KCNJ6: variants seen among roughly 807,000 people sequenced by gnomAD.
KCNJ6 encodes G protein-activated inward rectifier potassium channel 2.
Under a neutral mutation model 34.2 loss-of-function variants are expected in KCNJ6, and 9 were observed. The ratio of observed to expected loss-of-function variants is 0.26; its 90% CI spans 0.16 to 0.46. KCNJ6 has a LOEUF of 0.46. Ranked by LOEUF, KCNJ6 falls within the 20% of genes least tolerant of loss-of-function variation. The probability of loss-of-function intolerance (pLI) is 1.00; values close to 1 mark genes in which losing one functional copy is unlikely to be tolerated. For missense variants in KCNJ6, 236 were observed against 531.3 expected (o/e 0.44, Z 5.46); for synonymous variants, 196 against 207.1 (o/e 0.95, Z 0.46).
chr21:37,726,604 G>T (rs999836268), intron 2 of KCNJ6, among the ~76,000 whole-genome samples: 1 of 152,178 alleles, frequency 6.6e-6, no homozygotes, highest in Non-Finnish European at 1.5e-5. Context: ...GTGAATGTGT[G>T]TGTATGTGTG....
intron 2 of KCNJ6, among the ~76,000 whole-genome samples, chr21:37,809,464 A>G (rs1459310871): frequency 6.6e-6 from 1 of 152,116 alleles, no homozygotes; most frequent in East Asian, 1.9e-4. Flanking sequence ...AACATGGCAC[A>G]TGTATACACA....
chr21:37,697,147 C>G (rs146108838), intron 3 of KCNJ6, among the ~76,000 whole-genome samples: 1 of 152,052 alleles, frequency 6.6e-6, no homozygotes, highest in Non-Finnish European at 1.5e-5. Context: ...GACCATAAGA[C>G]GATTGTTTGA....
At chr21:37,756,545 T>C (rs2835939) in intron 2 of KCNJ6, among the ~76,000 whole-genome samples, 16,797 of 149,822 alleles carry the variant, frequency 0.11, 1,506 homozygotes, top group African/African-American at 0.24. Context: ...GCATTCCTGC[T>C]TTGCAACTGT....
chr21:37,754,586 G>A (rs1310479952), intron 2 of KCNJ6, among the ~76,000 whole-genome samples: 1 of 152,212 alleles, frequency 6.6e-6, no homozygotes, highest in Non-Finnish European at 1.5e-5. Context: ...CGGGACAATG[G>A]ACTGAATGCC....
intron 1 of KCNJ6, among the ~76,000 whole-genome samples, chr21:37,914,008 G>GGCGTGTGTGTGTGT (rs760597650): frequency 3.2e-4 from 43 of 135,480 alleles, no homozygotes; most frequent in Non-Finnish European, 2.2e-4. Context: ...GGCGGATCGG[G>GGCGTGTGTGTGTGT]GTGTGTGTGT....
chr21:37,881,382 G>A (rs1395776232), intron 1 of KCNJ6, among the ~76,000 whole-genome samples: 1 of 152,162 alleles, frequency 6.6e-6, no homozygotes, highest in East Asian at 1.9e-4. Flanking sequence ...ACTGTTGGCA[G>A]GGGTCAGTTC....
rs548978815 is a variant in KCNJ6, at chr21:37,877,946, A to C, written c.-27-37237T>G. 1.9e-3 allele frequency among the ~76,000 whole-genome samples: 285 copies of C among 152,394 alleles called. 3 individuals are homozygous for C. The highest frequency in any genetic ancestry group is 6.5e-3 in the African/African-American group (272 of 41,596). ...GCACAAGTTGGAGAAGAGAAAATTCAAGAGAAAGAAAAGGCATCATAAGAC... is the reference window on the plus strand; with the variant it reads ...GCACAAGTTGGAGAAGAGAAAATTCCAGAGAAAGAAAAGGCATCATAAGAC... On this transcript the variant is annotated intron_variant, in intron 1 of 3. Coordinates refer to ENST00000609713, the MANE Select transcript of KCNJ6 (RefSeq NM_002240.5).
intron 2 of KCNJ6, among the ~76,000 whole-genome samples, chr21:37,810,415 G>T (rs1251004984): frequency 6.6e-6 from 1 of 152,172 alleles, no homozygotes; most frequent in Non-Finnish European, 1.5e-5. Flanking sequence ...GGCTAGAAGG[G>T]GATTGTAAGG....
At chr21:37,696,041 TGATATA>T (rs971864624) in intron 3 of KCNJ6, among the ~76,000 whole-genome samples, 1 of 152,230 alleles carries the variant, frequency 6.6e-6, no homozygotes, top group Non-Finnish European at 1.5e-5. Flanking sequence ...GAATCCATAC[TGATATA>T]GATAGATCAA....
rs145172967 is a variant in KCNJ6, at chr21:37,848,608, T to C, written c.-27-7899A>G. 3.9e-3 allele frequency among the ~76,000 whole-genome samples: 591 copies of C among 152,342 alleles called. 4 individuals carry two copies. The highest frequency in any genetic ancestry group is 0.013 in the African/African-American group (528 of 41,572). ...CAGACCAGGGAGGGTCCTAATACAC[T>C]GAGTTATGAGGATATCTCACAAAGA... On this transcript the variant is annotated intron_variant, in intron 1 of 3. Transcript: ENST00000609713.
intron 3 of KCNJ6, among the ~76,000 whole-genome samples, chr21:37,645,554 T>C (rs1569436534): frequency 6.6e-6 from 1 of 152,158 alleles, no homozygotes; most frequent in Non-Finnish European, 1.5e-5. Flanking sequence ...AAAGTAAATG[T>C]AGTTTGCATC....
intron 2 of KCNJ6, among the ~76,000 whole-genome samples, chr21:37,749,533 C>T (rs751676030): frequency 1.1e-4 from 17 of 152,312 alleles, no homozygotes; most frequent in Non-Finnish European, 1.9e-4. Context: ...CTGTCATTCT[C>T]TGCCATGGAG....
At chr21:37,682,779 T>C (rs1237563348) in intron 3 of KCNJ6, among the ~76,000 whole-genome samples, 1 of 152,122 alleles carries the variant, frequency 6.6e-6, no homozygotes, top group Non-Finnish European at 1.5e-5. Context: ...GTGAGCAGAG[T>C]GGTCCTCTGT....
intron 3 of KCNJ6, among the ~76,000 whole-genome samples, chr21:37,686,256 C>G (rs73904060): frequency 0.093 from 14,112 of 152,018 alleles, 1,575 homozygotes; most frequent in African/African-American, 0.26. Context: ...TCTCTTGATA[C>G]CCGGTTGAGG....
At chr21:37,777,955 T>C (rs1025197113) in intron 2 of KCNJ6, among the ~76,000 whole-genome samples, 1 of 152,136 alleles carries the variant, frequency 6.6e-6, no homozygotes, top group Non-Finnish European at 1.5e-5. Context: ...AGGACATCCT[T>C]CTTTCTGTAG....
At chr21:37,690,103 A>C (rs370920913) in intron 3 of KCNJ6, among the ~76,000 whole-genome samples, 1 of 39,954 alleles carries the variant, frequency 2.5e-5, no homozygotes, top group African/African-American at 9.8e-5. Context: ...GTTTGATTGA[A>C]ATTGTTTGAT....
chr21:37,792,682 C>T (rs918226500), intron 2 of KCNJ6, among the ~76,000 whole-genome samples: 2 of 152,082 alleles, frequency 1.3e-5, no homozygotes, highest in Non-Finnish European at 2.9e-5. Context: ...GGAGTCTCAG[C>T]CAGGGTAAGT....
chr21:37,830,652 G>A (rs1219782971), intron 2 of KCNJ6, among the ~76,000 whole-genome samples: 1 of 152,174 alleles, frequency 6.6e-6, no homozygotes, highest in Non-Finnish European at 1.5e-5. Flanking sequence ...CATCAGAGAG[G>A]TGAGTTTCTT....
intron 3 of KCNJ6, among the ~76,000 whole-genome samples, chr21:37,708,499 A>G (rs758355763): frequency 1.6e-4 from 25 of 152,240 alleles, no homozygotes; most frequent in Non-Finnish European, 1.2e-4. Context: ...AGCTACACTT[A>G]ATGCTCAAAA....
Sources: allele counts gnomAD v4.1 joint callset (sites outside exome capture counted in the v4.1 genomes callset), GRCh38; gene constraint gnomAD v4.1.1; transcripts MANE v1.5; gene names NCBI Gene and HGNC (gene_info 2026-07-23, HGNC 2026-07-21).